STPG4: variants seen among roughly 807,000 people sequenced by gnomAD.
STPG4 encodes protein STPG4.
In STPG4, 41 loss-of-function variants were observed where a neutral mutation model predicts 31.5. That is an observed-to-expected ratio of 1.30 (90% CI 1.01 to 1.69). STPG4 has a LOEUF of 1.69. STPG4 is among the 40% of genes most tolerant of loss of function. The pLI is 0.00. For synonymous variants in STPG4, 141 were observed against 103.0 expected, an observed-to-expected ratio of 1.37 and a Z score of -2.24; for missense variants, 375 against 293.4, an observed-to-expected ratio of 1.28 and a Z score of -2.03.
At chr2:47,099,387 A>T (rs553520177) in intron 5 of STPG4, among the ~76,000 whole-genome samples, 80 of 152,312 alleles carry the variant, frequency 5.3e-4, no homozygotes, top group African/African-American at 1.8e-3. Flanking sequence ...TGACAACGCA[A>T]ATGGCTAAAG....
chr2:47,120,566 CAA>C (rs61561895), intron 5 of STPG4, among the ~76,000 whole-genome samples: 28 of 148,502 alleles, frequency 1.9e-4, no homozygotes, highest in East Asian at 3.9e-4. Context: ...GACTCCGTCT[CAA>C]AAAAAAAAAA....
intron 5 of STPG4, among the ~76,000 whole-genome samples, chr2:47,102,063 T>C (rs76647659): frequency 0.055 from 8,361 of 151,882 alleles, 418 homozygotes; most frequent in African/African-American, 0.11. Flanking sequence ...CAACCTTCTT[T>C]GGTCCTCCAT....
At chr2:47,125,047 C>T (rs1406291545) in intron 5 of STPG4, among the ~76,000 whole-genome samples, 1 of 152,168 alleles carries the variant, frequency 6.6e-6, no homozygotes, top group South Asian at 2.1e-4. Flanking sequence ...TTTTATACAC[C>T]TGTTGGCCAT....
chr2:47,146,411 G>A (rs1031565733), intron 3 of STPG4, among the ~76,000 whole-genome samples: 2 of 152,000 alleles, frequency 1.3e-5, no homozygotes, highest in African/African-American at 4.8e-5. Flanking sequence ...ACAAAACCAG[G>A]ATTAGACATA....
intron 6 of STPG4, among the ~76,000 whole-genome samples, chr2:47,088,018 G>A (rs1237071845): frequency 6.6e-6 from 1 of 152,120 alleles, no homozygotes; most frequent in East Asian, 1.9e-4. Flanking sequence ...CTCCTGAAGT[G>A]TTGGGATTAC....
intron 5 of STPG4, 74 bp from the exon 6 acceptor site, chr2:47,090,448 C>G (rs1685548241): frequency 1.1e-6 from 1 of 943,154 alleles, no homozygotes; most frequent in Non-Finnish European, 1.7e-6. Flanking sequence ...TTGCCTTCTA[C>G]AAATAAACAT....
intron 3 of STPG4, among the ~76,000 whole-genome samples, chr2:47,133,394 T>A (rs937775039): frequency 1.3e-5 from 2 of 151,752 alleles, no homozygotes; most frequent in Non-Finnish European, 2.9e-5. Flanking sequence ...CTCAAACTCT[T>A]GGGCTCAAGC....
At chr2:47,145,572 A>G (rs1188546645) in intron 3 of STPG4, among the ~76,000 whole-genome samples, 3 of 152,242 alleles carry the variant, frequency 2.0e-5, no homozygotes. Context: ...GGAATTCACA[A>G]AAATACATTT....
At chr2:47,133,594 T>TTTTA (rs1686534065) in intron 3 of STPG4, among the ~76,000 whole-genome samples, 1 of 145,306 alleles carries the variant, frequency 6.9e-6, no homozygotes, top group African/African-American at 2.5e-5. Flanking sequence ...TTTTTTTTTT[T>TTTTA]GAGACTGAGT....
At chr2:47,097,149 C>T (rs1427291102) in intron 5 of STPG4, among the ~76,000 whole-genome samples, 1 of 152,082 alleles carries the variant, frequency 6.6e-6, no homozygotes, top group African/African-American at 2.4e-5. Flanking sequence ...TTAATCATTA[C>T]TATGTTACAA....
At chr2:47,106,133 G>GA (rs1408986768) in intron 5 of STPG4, among the ~76,000 whole-genome samples, 2 of 151,656 alleles carry the variant, frequency 1.3e-5, no homozygotes, top group African/African-American at 2.4e-5. Context: ...AAGTCAAAGA[G>GA]AAAAAAAGAG....
intron 5 of STPG4, chr2:47,108,292 C>T (rs1214384979): frequency 6.6e-6 from 1 of 151,894 alleles, no homozygotes; most frequent in African/African-American, 2.4e-5. Flanking sequence ...AGTCCCCTTC[C>T]ACACTGTGGA....
At chr2:47,096,649 T>C (rs1184768407) in intron 5 of STPG4, among the ~76,000 whole-genome samples, 3 of 152,186 alleles carry the variant, frequency 2.0e-5, no homozygotes, top group Non-Finnish European at 4.4e-5. Flanking sequence ...GGGTTGAATG[T>C]GTCAAACCTC....
At chr2:47,120,191 C>T (rs1403113010) in intron 5 of STPG4, among the ~76,000 whole-genome samples, 4 of 152,176 alleles carry the variant, frequency 2.6e-5, no homozygotes, top group African/African-American at 7.2e-5. Flanking sequence ...ATTAGCTGGG[C>T]GTGGTGGCCC....
chr2:47,146,228 C>T (rs1371948486), intron 3 of STPG4, among the ~76,000 whole-genome samples: 4 of 152,130 alleles, frequency 2.6e-5, no homozygotes, highest in Non-Finnish European at 5.9e-5. Context: ...TGGTTCTGAA[C>T]CAGGAGCACG....
chr2:47,135,576 G>T (rs1487793849), intron 3 of STPG4, among the ~76,000 whole-genome samples: 1 of 151,940 alleles, frequency 6.6e-6, no homozygotes, highest in African/African-American at 2.4e-5. Context: ...CAGTAGAGAT[G>T]GGGTTTCACT....
At position 47,091,605 on chromosome 2, in the gene STPG4, A is replaced by G. The variant is rs564326445; in HGVS notation, c.520-1231T>C. 4.6e-5 allele frequency among the ~76,000 whole-genome samples: 7 copies of G among 152,344 alleles called. No individual in the cohort carries two copies. In the East Asian group the frequency reaches 1.4e-3, roughly 29 times the overall value. ...CATGATGTCTTAGATCTGTTTCTAA[A>G]TAATGCAGGAGTTAGGGGAAGTGGG... On this transcript the variant is annotated intron_variant, in intron 5 of 6. Transcript: ENST00000445927.
At chr2:47,150,780 C>T (rs1686918535) in intron 3 of STPG4, among the ~76,000 whole-genome samples, 1 of 151,896 alleles carries the variant, frequency 6.6e-6, no homozygotes, top group Non-Finnish European at 1.5e-5. Context: ...CTACTACACC[C>T]GGCTATTTTT....
At chr2:47,110,705 G>A (rs1040295797) in intron 5 of STPG4, among the ~76,000 whole-genome samples, 15 of 152,154 alleles carry the variant, frequency 9.9e-5, no homozygotes, top group Admixed American at 8.5e-4. Context: ...GAATTTTAAT[G>A]CATTTCCTAT....
Sources: allele counts gnomAD v4.1 joint callset (sites outside exome capture counted in the v4.1 genomes callset), GRCh38; gene constraint gnomAD v4.1.1; transcripts MANE v1.5; gene names NCBI Gene and HGNC (gene_info 2026-07-23, HGNC 2026-07-21).